SLC6A9: variants seen among roughly 807,000 people sequenced by gnomAD.
The protein encoded by SLC6A9 is solute carrier family 6 member 9.
Under a neutral mutation model 70.9 loss-of-function variants are expected in SLC6A9, and 31 were observed. The ratio of observed to expected loss-of-function variants is 0.44; its 90% CI spans 0.33 to 0.59. SLC6A9 has a LOEUF of 0.59. Among genes scored for constraint, SLC6A9 ranks in the 20% least tolerant of loss-of-function variants. SLC6A9 has a pLI of 0.04. For missense variants in SLC6A9, 631 were observed against 845.2 expected, an observed-to-expected ratio of 0.75 and a Z score of 3.14; for synonymous variants, 310 against 341.3, an observed-to-expected ratio of 0.91 and a Z score of 1.01.
intron 2 of SLC6A9, among the ~76,000 whole-genome samples, chr1:44,022,975 G>A (rs1377275422): frequency 1.3e-5 from 2 of 152,008 alleles, no homozygotes; most frequent in Non-Finnish European, 2.9e-5. Context: ...CAAAGTGCTG[G>A]GATTACAGGC....
At chr1:44,022,141 C>G (rs764855539) in intron 2 of SLC6A9, among the ~76,000 whole-genome samples, 1 of 152,202 alleles carries the variant, frequency 6.6e-6, no homozygotes, top group South Asian at 2.1e-4. Flanking sequence ...ACAGGCTGGC[C>G]GGGCCGACCG....
At chr1:44,004,969 G>T (rs2086258072) in intron 5 of SLC6A9, among the ~76,000 whole-genome samples, 1 of 152,246 alleles carries the variant, frequency 6.6e-6, no homozygotes, top group Admixed American at 6.5e-5. Context: ...CTCAGGAACA[G>T]GTCCCACAGG....
intron 12 of SLC6A9, among the ~76,000 whole-genome samples, chr1:43,999,001 C>T (rs1376774970): frequency 6.6e-6 from 1 of 150,850 alleles, no homozygotes; most frequent in East Asian, 2.0e-4. Flanking sequence ...GCAGTCCCAG[C>T]ACCCTCCTCC....
In SLC6A9 at chr1:43,998,031, C is replaced by CG. The variant is rs772326708; in HGVS notation, c.1537-7dup. 6.2e-7 allele frequency: 1 copy of CG among 1,607,958 alleles called. No individual in the cohort carries two copies. The highest frequency in any genetic ancestry group is 1.1e-5 in the South Asian group (1 of 90,280). On this transcript the variant is annotated splice_polypyrimidine_tract_variant and splice_region_variant and intron_variant, in intron 12 of 13. Coordinates refer to ENST00000372310, the MANE Select transcript of SLC6A9 (RefSeq NM_001024845.3). The stretch of plus-strand genomic sequence containing the variant: ...ACAGTGAAAACTAGAATAAACTGCA[C>CG]GGGGCAGGTGTGGGAGTGGGCGTGA...
At position 43,998,897 on chromosome 1, in the gene SLC6A9, C is replaced by T. The variant is rs182076349; in HGVS notation, c.1537-872G>A. Among the ~76,000 whole-genome samples, 129 of 144,202 alleles carry T rather than the reference C, an allele frequency of 8.9e-4. 1 individual carries two copies. Among genetic ancestry groups the T allele is most frequent in the Middle Eastern group, 3.9e-3 (1 of 254 alleles). The allele number at this position is 144,202 out of a possible 152,430, so 94.6% of individuals were successfully genotyped here. On this transcript the variant is annotated intron_variant, in intron 12 of 13. Transcript: ENST00000372310. ...GAGATGAGTGAGATTGGAAATAAAA[C>T]TTGTGGCTGCAGTAACAAAAGGAGT... is the stretch of plus-strand genomic sequence containing the variant.
At chr1:44,015,982 T>C (rs1018842747) in intron 2 of SLC6A9, 2 of 405,922 alleles carry the variant, frequency 4.9e-6, no homozygotes, top group East Asian at 3.2e-4. Flanking sequence ...CAGGCCTTCA[T>C]ATAGCAGATG....
intron 4 of SLC6A9, among the ~76,000 whole-genome samples, chr1:44,009,573 AGGTGATCTGCC>A (rs2086469835): frequency 6.6e-6 from 1 of 151,582 alleles, no homozygotes; most frequent in Non-Finnish European, 1.5e-5. Flanking sequence ...TCCTGACCTC[AGGTGATCTGCC>A]TGCCTTGGCC....
At chr1:44,023,784 G>A (rs1571916816) in intron 2 of SLC6A9, among the ~76,000 whole-genome samples, 1 of 152,290 alleles carries the variant, frequency 6.6e-6, no homozygotes, top group East Asian at 1.9e-4. Context: ...CCAGGACTTG[G>A]GGAAAGGGTG....
rs910612352 is a variant in SLC6A9, at chr1:44,013,973, T to C, written c.31-3091A>G. Among the ~76,000 whole-genome samples, 2 of 152,172 alleles carry C rather than the reference T, an allele frequency of 1.3e-5. No homozygotes were observed. The highest frequency in any genetic ancestry group is 4.8e-5 in the African/African-American group (2 of 41,438). On this transcript the variant is annotated intron_variant, in intron 2 of 13. Coordinates refer to ENST00000372310, the MANE Select transcript of SLC6A9 (RefSeq NM_001024845.3). The surrounding 1 kb of genome is among the most constrained non-coding windows in gnomAD (Gnocchi z 5.3). ...GCTGGGTGGACGGCTGTGTCACTGA[T>C]ATGAACTGTCCCTGCAGTGGTCATC...
chr1:44,027,511 CTTAGCAGGCG>C (rs1227884674), intron 1 of SLC6A9, among the ~76,000 whole-genome samples: 10 of 152,198 alleles, frequency 6.6e-5, no homozygotes, highest in African/African-American at 1.9e-4. Flanking sequence ...GCCTAAATTG[CTTAGCAGGCG>C]TTTAAGGCTG....
intron 2 of SLC6A9, chr1:44,016,391 T>G (rs2086742918): frequency 6.6e-6 from 1 of 152,544 alleles, no homozygotes. Context: ...TTCCCTCTCT[T>G]GCCTTTTGAA....
intron 2 of SLC6A9, among the ~76,000 whole-genome samples, chr1:44,021,166 GCCCTGCTC>G (rs2086875106): frequency 6.6e-6 from 1 of 152,174 alleles, no homozygotes; most frequent in African/African-American, 2.4e-5. Flanking sequence ...GACCTAGGTG[GCCCTGCTC>G]CGCACGTGTA....
At chr1:44,020,945 T>C (rs936409234) in intron 2 of SLC6A9, among the ~76,000 whole-genome samples, 1 of 152,186 alleles carries the variant, frequency 6.6e-6, no homozygotes, top group Non-Finnish European at 1.5e-5. Flanking sequence ...AAACAATCAG[T>C]GTGCTCAGAC....
chr1:43,999,961 T>C (rs969816924), intron 12 of SLC6A9, among the ~76,000 whole-genome samples: 19 of 152,198 alleles, frequency 1.2e-4, no homozygotes, highest in African/African-American at 4.3e-4. Context: ...CCCTGGACCA[T>C]TCCTCCCTCC....
intron 2 of SLC6A9, among the ~76,000 whole-genome samples, chr1:44,019,316 G>C (rs553665566): frequency 1.2e-4 from 19 of 152,340 alleles, no homozygotes; most frequent in Admixed American, 1.1e-3. Flanking sequence ...CATGAGGTAG[G>C]TCCATTATTA....
At chr1:43,998,420 G>A (rs140799617) in intron 12 of SLC6A9, among the ~76,000 whole-genome samples, 72 of 152,194 alleles carry the variant, frequency 4.7e-4, no homozygotes, top group Middle Eastern at 3.4e-3. Context: ...ACACTACTCC[G>A]CCCTCAGTGT....
rs1247358779 is a variant in SLC6A9, at chr1:43,997,380, G to A, written c.*165C>T. ...GCATCCAAAGGACATGTAAACACTG[G>A]GGACATGAGCATGAATGACTGCACT... On this transcript the variant is annotated 3_prime_UTR_variant, in exon 14 of 14. Coordinates refer to ENST00000372310, the MANE Select transcript of SLC6A9 (RefSeq NM_001024845.3). The surrounding 1 kb of genome is among the most constrained non-coding windows in gnomAD (Gnocchi z 4.4). 4.6e-6 allele frequency: 3 copies of A among 648,692 alleles called. No individual in the cohort carries two copies. In the East Asian group the frequency reaches 7.9e-5, roughly 17 times the overall value. 40.2% of individuals were successfully genotyped at this position (648,692 alleles called of 1,614,324 possible). A position where few individuals can be genotyped will look rare whatever the true frequency, so the allele number is the denominator to read the frequency against.
Position 44,000,885 on chromosome 1 carries a change from C to T in SLC6A9, c.1436-18G>A. 6.3e-7 allele frequency: 1 copy of T among 1,599,070 alleles called. No individual in the cohort carries two copies. Among genetic ancestry groups the T allele is most frequent in the African/African-American group, 1.3e-5 (1 of 74,590 alleles). On this transcript the variant is annotated intron_variant, in intron 11 of 13. Coordinates refer to ENST00000372310, the MANE Select transcript of SLC6A9 (RefSeq NM_001024845.3). ...CCGGTGCCCTGGAGAGATGGGGGGTCAGCAGACCCGCAGGACAGAGTGGGC... is the reference window on the plus strand; with the variant it reads ...CCGGTGCCCTGGAGAGATGGGGGGTTAGCAGACCCGCAGGACAGAGTGGGC...
Position 43,997,946 on chromosome 1 carries a change from A to G in SLC6A9, c.1616T>C (p.Ile539Thr), listed in dbSNP as rs141547886. The G allele has an allele frequency of 2.2e-5, 35 of 1,614,012 alleles. No individual in the cohort carries two copies. The highest frequency in any genetic ancestry group is 5.3e-5 in the African/African-American group (4 of 74,928). The part of the protein sequence containing the change: ...HYQYPGWAVA[I>T]GFLMALSSVL... Reference sequence around the variant, plus strand: ...GGAGGACAGAGCCATGAGGAAGCCAATGGCCACGGCCCAGCCTGGGTACTG... The same window carrying G: ...GGAGGACAGAGCCATGAGGAAGCCAGTGGCCACGGCCCAGCCTGGGTACTG... Residue 539 changes from isoleucine to threonine, a missense_variant, in exon 13 of 14, where the codon ATT (isoleucine) becomes ACT (threonine). By Grantham distance (89) the Ile-to-Thr change is moderately conservative (BLOSUM62 -1). Coordinates refer to ENST00000372310, the MANE Select transcript of SLC6A9 (RefSeq NM_001024845.3). The surrounding 1 kb of genome is among the most constrained non-coding windows in gnomAD (Gnocchi z 4.4).
Sources: gnomAD v4.1 joint callset for allele counts (sites outside exome capture counted in the v4.1 genomes callset) on GRCh38, gnomAD v4.1.1 for gene constraint, Gnocchi (gnomAD v3.1) non-coding constraint, MANE v1.5 for transcripts, NCBI Gene and HGNC (gene_info 2026-07-23, HGNC 2026-07-21) for gene names.